CADPS: variants seen among roughly 807,000 people sequenced by gnomAD.
CADPS encodes the protein calcium dependent secretion activator, also known as calcium-dependent secretion activator 1.
CADPS carries 57 observed loss-of-function variants against 167.3 expected under a neutral mutation model. The observed-to-expected ratio is 0.34, with a 90% CI of 0.28 to 0.42. CADPS has a LOEUF of 0.42. Ranked by LOEUF, CADPS falls within the 20% of genes least tolerant of loss-of-function variation. The pLI is 1.00. For synonymous variants in CADPS, 676 were observed against 635.3 expected (o/e 1.06, Z -0.96); for missense variants, 1,414 against 1,738.1 (o/e 0.81, Z 3.32).
At chr3:62,550,840 C>G (rs1351318376) in intron 10 of CADPS, 1 of 456,590 alleles carries the variant, frequency 2.2e-6, no homozygotes, top group Non-Finnish European at 4.4e-6. Flanking sequence ...ATTGGGCCCA[C>G]CCACCTATCA....
At chr3:62,850,173 T>C (rs2078268088) in intron 1 of CADPS, among the ~76,000 whole-genome samples, 1 of 137,332 alleles carries the variant, frequency 7.3e-6, no homozygotes, top group Non-Finnish European at 1.6e-5. Context: ...TCTCTTTTTT[T>C]ATTAGTCTTG....
chr3:62,799,035 C>T (rs2093615884), intron 1 of CADPS, among the ~76,000 whole-genome samples: 1 of 152,134 alleles, frequency 6.6e-6, no homozygotes, highest in Admixed American at 6.6e-5. Flanking sequence ...CCAAGCTTTA[C>T]CTGATGGTCA....
chr3:62,751,857 A>G (rs533070847), intron 3 of CADPS, among the ~76,000 whole-genome samples: 12 of 152,290 alleles, frequency 7.9e-5, no homozygotes, highest in African/African-American at 2.9e-4. Context: ...TTCATTTTTT[A>G]GGAGAAAACA....
chr3:62,578,478 C>T lies in CADPS; in HGVS notation c.1577+6707G>A, dbSNP rs554366150. Among the ~76,000 whole-genome samples, 61 of 151,738 alleles carry T rather than the reference C, an allele frequency of 4.0e-4. No individual in the cohort carries two copies. The South Asian group carries it at 8.2e-3, about 20-fold the overall frequency. ...ACAAAAAATTAGCTGGGCATGGTGG[C>T]GGGCACCTGTAGTCCCAGCTGCTTG... On this transcript the variant is annotated intron_variant, in intron 8 of 29. Transcript: ENST00000383710.
intron 28 of CADPS, among the ~76,000 whole-genome samples, chr3:62,414,779 A>T (rs907237708): frequency 1.7e-4 from 26 of 152,216 alleles, no homozygotes; most frequent in African/African-American, 6.0e-4. Flanking sequence ...TAGAGGCCAC[A>T]TCAAAACTCT....
intron 4 of CADPS, among the ~76,000 whole-genome samples, chr3:62,652,743 G>GA (rs1238203602): frequency 3.9e-5 from 6 of 152,180 alleles, no homozygotes; most frequent in Non-Finnish European, 5.9e-5. Flanking sequence ...GAAAAGAAAA[G>GA]AAAGATGCTT....
At chr3:62,627,867 T>C (rs1457983168) in intron 6 of CADPS, among the ~76,000 whole-genome samples, 1 of 152,128 alleles carries the variant, frequency 6.6e-6, no homozygotes, top group Non-Finnish European at 1.5e-5. Context: ...AAAAAGCCAT[T>C]ATATTTGAGG....
At chr3:62,819,407 C>T (rs796381729) in intron 1 of CADPS, among the ~76,000 whole-genome samples, 16 of 144,058 alleles carry the variant, frequency 1.1e-4, no homozygotes, top group South Asian at 2.3e-4. Context: ...AATCTGTGTG[C>T]GTGTGTGTGT....
chr3:62,477,295 T>G (rs562959858), intron 23 of CADPS, among the ~76,000 whole-genome samples: 10 of 147,560 alleles, frequency 6.8e-5, no homozygotes, highest in African/African-American at 2.5e-4. Context: ...TGGAGTAGCC[T>G]GTGCTGCTTG....
chr3:62,516,684 A>G, intron 14 of CADPS, 41 bp from the exon 15 acceptor site: 1 of 1,434,362 alleles, frequency 7.0e-7, no homozygotes, highest in Non-Finnish European at 9.7e-7. Flanking sequence ...AAATTATTAC[A>G]TTTTAGCATG....
chr3:62,741,016 T>C (rs1575697889), intron 3 of CADPS, among the ~76,000 whole-genome samples: 1 of 152,222 alleles, frequency 6.6e-6, no homozygotes, highest in East Asian at 1.9e-4. Flanking sequence ...CTTCTTCAGA[T>C]TGTTCCCTGG....
At chr3:62,575,623 C>G (rs1471788466) in intron 8 of CADPS, among the ~76,000 whole-genome samples, 1 of 152,152 alleles carries the variant, frequency 6.6e-6, no homozygotes, top group Non-Finnish European at 1.5e-5. Flanking sequence ...AAGTAACTTT[C>G]CTAGGTTCCA....
At chr3:62,435,115 C>T (rs1260196390) in intron 28 of CADPS, among the ~76,000 whole-genome samples, 3 of 152,104 alleles carry the variant, frequency 2.0e-5, no homozygotes, top group East Asian at 1.9e-4. Flanking sequence ...CAAAATGCAA[C>T]GATTTGGAAG....
At chr3:62,423,889 T>A (rs1484210069) in intron 28 of CADPS, among the ~76,000 whole-genome samples, 8 of 152,196 alleles carry the variant, frequency 5.3e-5, no homozygotes, top group African/African-American at 9.7e-5. Context: ...TAATGTACAG[T>A]CAGGAAAATA....
intron 23 of CADPS, among the ~76,000 whole-genome samples, chr3:62,476,898 A>G (rs1228734670): frequency 2.0e-5 from 3 of 152,156 alleles, no homozygotes; most frequent in Non-Finnish European, 4.4e-5. Context: ...GATATAGACT[A>G]TCTAGGAGAT....
chr3:62,840,866 G>A (rs2076558090), intron 1 of CADPS, among the ~76,000 whole-genome samples: 1 of 152,102 alleles, frequency 6.6e-6, no homozygotes, highest in Non-Finnish European at 1.5e-5. Flanking sequence ...ACAGATTCTT[G>A]TTTGCATATC....
chr3:62,635,150 T>C (rs1270214889), intron 6 of CADPS, among the ~76,000 whole-genome samples: 2 of 152,090 alleles, frequency 1.3e-5, no homozygotes, highest in Non-Finnish European at 2.9e-5. Flanking sequence ...AAGAGAAACA[T>C]TTTCTAGGTT....
intron 26 of CADPS, among the ~76,000 whole-genome samples, chr3:62,464,356 G>T (rs57128391): frequency 0.01 from 1,537 of 152,300 alleles, 22 homozygotes; most frequent in African/African-American, 0.034. Flanking sequence ...CTATCTGGGA[G>T]ATTCTTCATA....
intron 1 of CADPS, among the ~76,000 whole-genome samples, chr3:62,775,950 T>C (rs773977279): frequency 1.3e-5 from 2 of 152,324 alleles, no homozygotes; most frequent in East Asian, 3.9e-4. Flanking sequence ...TGATTACTAG[T>C]ACAGTTTGGC....
Sources: gnomAD v4.1 joint callset for allele counts (sites outside exome capture counted in the v4.1 genomes callset) on GRCh38, gnomAD v4.1.1 for gene constraint, MANE v1.5 for transcripts, NCBI Gene and HGNC (gene_info 2026-07-23, HGNC 2026-07-21) for gene names.